The following PCDHGB7 variants were observed in gnomAD, a reference collection of about 807,000 sequenced individuals.
PCDHGB7 encodes protocadherin gamma subfamily B, 7, also known as protocadherin gamma-B7.
PCDHGB7 carries 37 observed loss-of-function variants against 61.4 expected under a neutral mutation model. The observed-to-expected ratio is 0.60, with a 90% CI of 0.46 to 0.79. The LOEUF (loss-of-function observed/expected upper bound fraction) is 0.79, where lower values mean the gene tolerates loss of function less well. Ranked by LOEUF, PCDHGB7 falls within the 30% of genes least tolerant of loss-of-function variation. PCDHGB7 has a pLI of 0.00. For synonymous variants in PCDHGB7, 464 were observed against 503.5 expected (o/e 0.92, Z 1.05); for missense variants, 1,166 against 1,202.5 (o/e 0.97, Z 0.45).
chr5:141,511,048 C>G lies in PCDHGB7; in HGVS notation c.2665C>G (p.Arg889Gly). The G allele has an allele frequency of 6.2e-7, 1 of 1,614,224 alleles. No homozygotes were observed. Among genetic ancestry groups the G allele is most frequent in the Non-Finnish European group, 8.5e-7 (1 of 1,180,028 alleles). ...QFTLQHVPDYRQNVYIPGSNA... is the reference protein window; with the variant it reads ...QFTLQHVPDYGQNVYIPGSNA... ...CACCCTGCAGCACGTGCCCGACTAC[C>G]GCCAGAATGTCTACATCCCAGGCAG... Residue 889 changes from arginine (R) to glycine (G), a missense_variant, in exon 4 of 4, where the codon CGC becomes GGC. Arg to Gly is a moderately radical substitution (Grantham distance 125, BLOSUM62 -2). Transcript: ENST00000398594.
At chr5:141,468,063 A>G (rs2099157033) in intron 1 of PCDHGB7, among the ~76,000 whole-genome samples, 1 of 152,064 alleles carries the variant, frequency 6.6e-6, no homozygotes, top group South Asian at 2.1e-4. Flanking sequence ...AGTGGCTCAC[A>G]CCTGTAATCC....
intron 1 of PCDHGB7, among the ~76,000 whole-genome samples, chr5:141,425,103 A>G (rs894147422): frequency 1.3e-5 from 2 of 152,202 alleles, no homozygotes; most frequent in Non-Finnish European, 2.9e-5. Flanking sequence ...CTTCCAACAG[A>G]TGCCTACATT....
At chr5:141,450,881 G>A (rs1205242412) in intron 1 of PCDHGB7, among the ~76,000 whole-genome samples, 1 of 149,726 alleles carries the variant, frequency 6.7e-6, no homozygotes, top group African/African-American at 2.5e-5. Flanking sequence ...CTGGTGTGCA[G>A]TGGTGCGATA....
chr5:141,497,100 T>A (rs886445893), intron 2 of PCDHGB7, among the ~76,000 whole-genome samples: 2 of 151,774 alleles, frequency 1.3e-5, no homozygotes, highest in Non-Finnish European at 2.9e-5. Context: ...GAGGCAGAAC[T>A]GCTTGAACCC....
At position 141,432,275 on chromosome 5, in the gene PCDHGB7, T is replaced by C. The variant is rs775413198; in HGVS notation, c.2415+12001T>C. 2 of 1,614,232 alleles carry C rather than the reference T, an allele frequency of 1.2e-6. No homozygotes were observed. Among genetic ancestry groups the C allele is most frequent in the South Asian group, 2.2e-5 (2 of 91,086 alleles). On this transcript the variant is annotated intron_variant, in intron 1 of 3. Coordinates refer to ENST00000398594, the MANE Select transcript of PCDHGB7 (RefSeq NM_018927.4). This position sits in a 1 kb window ranked among gnomAD's most constrained non-coding sequence, Gnocchi z 6.0. ...AGGGGCAAGCCTATCGTCCTACGTG[T>C]CCATCAACTCCGACACTGGGGTACT... is the stretch of plus-strand genomic sequence containing the variant.
rs139211149 is a variant in PCDHGB7, at chr5:141,426,067, G to A, written c.2415+5793G>A. Among the ~76,000 whole-genome samples, 5 of 152,328 alleles carry A rather than the reference G, an allele frequency of 3.3e-5. No individual in the cohort carries two copies. The East Asian group carries it at 9.6e-4, about 29-fold the overall frequency. On this transcript the variant is annotated intron_variant, in intron 1 of 3. Coordinates refer to ENST00000398594, the MANE Select transcript of PCDHGB7 (RefSeq NM_018927.4). Reference sequence around the variant, plus strand: ...TGGCCAATGTGCTGCAAGAACTGGAGCCTGGGATCTACCAGGACGATATTC... The same window carrying A: ...TGGCCAATGTGCTGCAAGAACTGGAACCTGGGATCTACCAGGACGATATTC...
intron 1 of PCDHGB7, chr5:141,423,330 C>G (rs932335651): frequency 9.9e-6 from 16 of 1,614,056 alleles, no homozygotes; most frequent in Middle Eastern, 1.6e-4. Flanking sequence ...TGGCCGCAGT[C>G]TCCTGCATCT....
rs1253164840 is a variant in PCDHGB7, at chr5:141,420,065, G to A, written c.2206G>A (p.Gly736Arg). 4 of 1,614,018 alleles carry A rather than the reference G, an allele frequency of 2.5e-6. No individual in the cohort carries two copies. The highest frequency in any genetic ancestry group is 3.4e-6 in the Non-Finnish European group (4 of 1,179,876). Residue 736 changes from glycine (G) to arginine (R), a missense_variant, in exon 1 of 4, where the codon GGA (glycine) becomes AGA (arginine). Coordinates refer to ENST00000398594, the MANE Select transcript of PCDHGB7 (RefSeq NM_018927.4). ...TGAGTCAGTTCTCTGCTCCAAGTCC[G>A]GACCTGTGGGTCCCCCCAACTACAG... Reference protein sequence around the residue: ...CFESVLCSKSGPVGPPNYSEG... With the variant: ...CFESVLCSKSRPVGPPNYSEG...
intron 1 of PCDHGB7, chr5:141,421,202 C>A: frequency 1.3e-6 from 2 of 1,519,344 alleles, no homozygotes; most frequent in Non-Finnish European, 1.8e-6. Flanking sequence ...CTCGAGAAAC[C>A]GCGGAATATC....
chr5:141,498,509 C>T (rs2099784058), intron 2 of PCDHGB7, among the ~76,000 whole-genome samples: 1 of 151,740 alleles, frequency 6.6e-6, no homozygotes, highest in East Asian at 1.9e-4. Flanking sequence ...TCCCTCCCCA[C>T]CATCTTGCCC....
chr5:141,498,312 T>C (rs2099783060), intron 2 of PCDHGB7, among the ~76,000 whole-genome samples: 1 of 151,714 alleles, frequency 6.6e-6, no homozygotes, highest in Non-Finnish European at 1.5e-5. Context: ...TCACACTGCC[T>C]ACACAGAAGG....
chr5:141,431,642 G>A lies in PCDHGB7; in HGVS notation c.2415+11368G>A, dbSNP rs762914489. The A allele has an allele frequency of 6.2e-7, 1 of 1,614,272 alleles. No homozygotes were observed. The highest frequency in any genetic ancestry group is 1.1e-5 in the South Asian group (1 of 91,090). On this transcript the variant is annotated intron_variant, in intron 1 of 3. Transcript: ENST00000398594. This position sits in a 1 kb window ranked among gnomAD's most constrained non-coding sequence, Gnocchi z 4.8. ...CAAGGCGGCCCAAGTTTTCAAACTA[G>A]ATTGTAATTCAGGGACAATATCAAC... is the stretch of plus-strand genomic sequence containing the variant.
At chr5:141,427,773 C>T (rs1285483564) in intron 1 of PCDHGB7, 1 of 1,414,460 alleles carries the variant, frequency 7.1e-7, no homozygotes, top group Non-Finnish European at 9.9e-7. Flanking sequence ...CTTGGAGCTG[C>T]GGGCACTGTC....
chr5:141,451,955 A>T (rs1004010741), intron 1 of PCDHGB7, among the ~76,000 whole-genome samples: 2 of 152,196 alleles, frequency 1.3e-5, no homozygotes, highest in Admixed American at 1.3e-4. Flanking sequence ...CGAGAAAGTG[A>T]CATACCATCA....
intron 1 of PCDHGB7, among the ~76,000 whole-genome samples, chr5:141,452,455 C>T (rs2098741536): frequency 6.6e-6 from 1 of 152,208 alleles, no homozygotes; most frequent in Non-Finnish European, 1.5e-5. Flanking sequence ...GCCTTGTCAG[C>T]AGACGGAGCT....
chr5:141,458,949 T>A (rs948180008), intron 1 of PCDHGB7, among the ~76,000 whole-genome samples: 1 of 151,814 alleles, frequency 6.6e-6, no homozygotes, highest in East Asian at 1.9e-4. Flanking sequence ...CTTAGGTTGG[T>A]CACAAATTCA....
chr5:141,504,824 C>T (rs537283013), intron 2 of PCDHGB7, among the ~76,000 whole-genome samples: 4 of 152,230 alleles, frequency 2.6e-5, no homozygotes, highest in South Asian at 4.1e-4. Context: ...TAGGTCCCCA[C>T]TTTTTCTCTA....
At chr5:141,440,275 T>C (rs913705052) in intron 1 of PCDHGB7, 14 of 152,120 alleles carry the variant, frequency 9.2e-5, no homozygotes, top group African/African-American at 3.1e-4. Flanking sequence ...GAGACCAGCC[T>C]GACCAACATA....
chr5:141,450,900 C>T (rs907024071), intron 1 of PCDHGB7, among the ~76,000 whole-genome samples: 9 of 151,048 alleles, frequency 6.0e-5, no homozygotes, highest in Non-Finnish European at 1.2e-4. Flanking sequence ...TATCGGCTCA[C>T]TGCAACCGCT....
Sources: gnomAD v4.1 joint callset for allele counts (sites outside exome capture counted in the v4.1 genomes callset) on GRCh38, gnomAD v4.1.1 for gene constraint, Gnocchi (gnomAD v3.1) non-coding constraint, MANE v1.5 for transcripts, NCBI Gene and HGNC (gene_info 2026-07-23, HGNC 2026-07-21) for gene names.